The following CPNE4 variants were observed in gnomAD, a reference collection of about 807,000 sequenced individuals.
The protein encoded by CPNE4 is copine 4.
CPNE4 carries 25 observed loss-of-function variants against 67.9 expected under a neutral mutation model. The ratio of observed to expected loss-of-function variants is 0.37; its 90% CI spans 0.27 to 0.51. The LOEUF (loss-of-function observed/expected upper bound fraction) is 0.51. Ranked by LOEUF, CPNE4 falls within the 20% of genes least tolerant of loss-of-function variation. The pLI is 0.93. For missense variants in CPNE4, 464 were observed against 690.8 expected (o/e 0.67, Z 3.68); for synonymous variants, 242 against 244.9 (o/e 0.99, Z 0.11).
intron 7 of CPNE4, among the ~76,000 whole-genome samples, chr3:131,622,486 C>T (rs1381228045): frequency 1.3e-5 from 2 of 152,132 alleles, no homozygotes; most frequent in African/African-American, 2.4e-5. Flanking sequence ...ATCTCCTAGA[C>T]TTAATAAACA....
intron 1 of CPNE4, among the ~76,000 whole-genome samples, chr3:131,926,987 G>A (rs1316449125): frequency 1.3e-5 from 2 of 152,082 alleles, no homozygotes; most frequent in African/African-American, 4.8e-5. Flanking sequence ...AGAGAGGAAG[G>A]AGCAAGACAG....
At chr3:131,978,184 T>TATTTATATA (rs1560721029) in intron 1 of CPNE4, among the ~76,000 whole-genome samples, 35 of 60,236 alleles carry the variant, frequency 5.8e-4, no homozygotes, top group African/African-American at 3.2e-3. Flanking sequence ...TAAATATATA[T>TATTTATATA]AATATATTTA....
chr3:131,778,508 T>A (rs1435950672), intron 2 of CPNE4, among the ~76,000 whole-genome samples: 2 of 152,120 alleles, frequency 1.3e-5, no homozygotes, highest in South Asian at 2.1e-4. Flanking sequence ...AGGAAACACA[T>A]GTAAAATACA....
intron 7 of CPNE4, among the ~76,000 whole-genome samples, chr3:131,657,014 G>C (rs558494640): frequency 1.1e-4 from 16 of 152,158 alleles, no homozygotes; most frequent in Non-Finnish European, 1.8e-4. Context: ...CCGAGAGTGT[G>C]ACCGTAAGCC....
intron 2 of CPNE4, among the ~76,000 whole-genome samples, chr3:131,852,779 A>G (rs187024439): frequency 3.2e-4 from 48 of 151,872 alleles, no homozygotes; most frequent in African/African-American, 1.1e-3. Flanking sequence ...TAATAAATAA[A>G]TTAGCAAAGT....
intron 1 of CPNE4, among the ~76,000 whole-genome samples, chr3:131,956,703 C>T (rs1356805258): frequency 1.3e-5 from 2 of 152,130 alleles, no homozygotes; most frequent in Non-Finnish European, 2.9e-5. Flanking sequence ...TCCTATCCAT[C>T]CCATTGGTTT....
chr3:131,763,072 A>T (rs2082929055), intron 2 of CPNE4, among the ~76,000 whole-genome samples: 1 of 152,136 alleles, frequency 6.6e-6, no homozygotes, highest in Non-Finnish European at 1.5e-5. Context: ...CATCTAGGAT[A>T]CCTTCCAGAT....
intron 6 of CPNE4, among the ~76,000 whole-genome samples, chr3:131,678,577 A>G (rs916544207): frequency 9.9e-5 from 15 of 152,216 alleles, no homozygotes; most frequent in African/African-American, 3.6e-4. Flanking sequence ...TGGGTTTGTC[A>G]TATATGGCTC....
chr3:131,913,634 C>T (rs1165382421), intron 1 of CPNE4, among the ~76,000 whole-genome samples: 1 of 152,168 alleles, frequency 6.6e-6, no homozygotes, highest in Non-Finnish European at 1.5e-5. Context: ...TCCTTTTGTT[C>T]CTGCTCTAAA....
At position 131,889,507 on chromosome 3, in the gene CPNE4, C is replaced by T. The variant is rs192246531; in HGVS notation, c.180+15757G>A. On this transcript the variant is annotated intron_variant, in intron 2 of 15. Coordinates refer to ENST00000429747, the MANE Select transcript of CPNE4 (RefSeq NM_130808.3). ...AAACTAATTTCAGGTTGAATGAAAG[C>T]CTGGTGGATCACACTACAAATAGTT... Among the ~76,000 whole-genome samples the T allele has an allele frequency of 6.6e-4, 100 of 152,278 alleles. 1 individual carries two copies. The highest frequency in any genetic ancestry group is 2.3e-3 in the African/African-American group (97 of 41,574).
At chr3:131,824,336 C>T (rs1329142478) in intron 2 of CPNE4, among the ~76,000 whole-genome samples, 2 of 152,110 alleles carry the variant, frequency 1.3e-5, no homozygotes, top group Non-Finnish European at 2.9e-5. Context: ...AAATACAGAA[C>T]TCAAAGATTA....
chr3:131,981,904 T>C (rs1017070179), intron 1 of CPNE4, among the ~76,000 whole-genome samples: 1 of 152,178 alleles, frequency 6.6e-6, no homozygotes, highest in African/African-American at 2.4e-5. Context: ...CCTTTCCCAC[T>C]TGGATCACTC....
rs1420112663 is a variant in CPNE4, at chr3:131,575,107, C to T, written c.891G>A (p.Leu297=). The T allele has an allele frequency of 1.9e-6, 3 of 1,612,464 alleles. No homozygotes were observed. The African/African-American group carries it at 4.0e-5, about 22-fold the overall frequency. The change falls in exon 10 of 16, where the codon TTG becomes TTA. Residue 297 remains leucine, a synonymous_variant. Transcript: ENST00000429747. ...LCKIHKMHSF[L]DYIMGGCQIQ... Reference sequence around the variant, plus strand: ...TTTGGCAGCCACCCATGATGTAGTCCAAGAAAGAATGCATCTTGTGAATCT... The same window carrying T: ...TTTGGCAGCCACCCATGATGTAGTCTAAGAAAGAATGCATCTTGTGAATCT...
chr3:132,016,244 G>A (rs140382720), intron 1 of CPNE4, among the ~76,000 whole-genome samples: 24 of 152,196 alleles, frequency 1.6e-4, no homozygotes, highest in African/African-American at 5.8e-4. Context: ...TGACTCCCAG[G>A]CTCTCTGAGA....
At chr3:131,813,970 C>G (rs114347652) in intron 2 of CPNE4, among the ~76,000 whole-genome samples, 6,010 of 152,206 alleles carry the variant, frequency 0.039, 404 homozygotes, top group African/African-American at 0.14. Context: ...GGACTGATTT[C>G]TATCTGACTG....
intron 7 of CPNE4, among the ~76,000 whole-genome samples, chr3:131,631,424 C>G (rs1011664659): frequency 1.1e-4 from 16 of 152,202 alleles, no homozygotes; most frequent in Admixed American, 2.6e-4. Context: ...GAAAATGGAG[C>G]TACTGGTTTG....
chr3:131,599,114 G>T (rs1939063269), intron 7 of CPNE4, among the ~76,000 whole-genome samples: 1 of 152,146 alleles, frequency 6.6e-6, no homozygotes, highest in Non-Finnish European at 1.5e-5. Context: ...AATTATTAGG[G>T]ATTTATGAGA....
intron 2 of CPNE4, among the ~76,000 whole-genome samples, chr3:131,881,507 T>C (rs1352935116): frequency 6.6e-6 from 1 of 152,140 alleles, no homozygotes; most frequent in Admixed American, 6.5e-5. Context: ...TGTTCAATTA[T>C]AGGTGTGTTC....
intron 1 of CPNE4, among the ~76,000 whole-genome samples, chr3:132,018,263 C>T (rs2073927231): frequency 1.3e-5 from 2 of 152,120 alleles, no homozygotes; most frequent in Admixed American, 1.3e-4. Flanking sequence ...TGTCCATAAA[C>T]CCCCAAAATC....
Sources: allele counts gnomAD v4.1 joint callset (sites outside exome capture counted in the v4.1 genomes callset), GRCh38; gene constraint gnomAD v4.1.1; transcripts MANE v1.5; gene names NCBI Gene and HGNC (gene_info 2026-07-23, HGNC 2026-07-21).